RFX6: variants seen among roughly 807,000 people sequenced by gnomAD.
RFX6 encodes the protein regulatory factor X6, also known as DNA-binding protein RFX6.
A neutral mutation model predicts 110.8 loss-of-function variants in RFX6; 50 were observed. That is an observed-to-expected ratio of 0.45 (90% CI 0.36 to 0.57). RFX6 has a LOEUF of 0.57. RFX6 is among the 20% of genes least tolerant of loss of function. RFX6 has a pLI of 0.00. For missense variants in RFX6, 990 were observed against 1,127.0 expected, an observed-to-expected ratio of 0.88 and a Z score of 1.74; for synonymous variants, 383 against 411.2, an observed-to-expected ratio of 0.93 and a Z score of 0.83.
At chr6:116,911,767 G>A (rs977741865) in intron 7 of RFX6, among the ~76,000 whole-genome samples, 12 of 152,142 alleles carry the variant, frequency 7.9e-5, no homozygotes, top group African/African-American at 2.9e-4. Flanking sequence ...AGCATTTGAA[G>A]AAGACATCTC....
At chr6:116,893,900 AT>A in intron 4 of RFX6, 86 bp from the exon 5 acceptor site, 8 of 820,748 alleles carry the variant, frequency 9.7e-6, no homozygotes, top group Non-Finnish European at 1.7e-5. Context: ...GTTCTTATTC[AT>A]GGTTATGTCA....
chr6:116,877,687 T>TCCCCCC, intron 1 of RFX6, 109 bp from the exon 2 acceptor site: 6 of 844,958 alleles, frequency 7.1e-6, no homozygotes, highest in South Asian at 1.5e-5. Flanking sequence ...TTTCCTCCCC[T>TCCCCCC]CCGCCCCCAC....
chr6:116,905,538 T>G (rs2114682982), intron 6 of RFX6, among the ~76,000 whole-genome samples: 1 of 152,140 alleles, frequency 6.6e-6, no homozygotes, highest in Middle Eastern at 3.4e-3. Flanking sequence ...TGCATAACTT[T>G]TATGAACAAA....
chr6:116,924,228 T>A (rs1424636622), intron 14 of RFX6, among the ~76,000 whole-genome samples: 2 of 152,228 alleles, frequency 1.3e-5, no homozygotes, highest in Non-Finnish European at 2.9e-5. Context: ...TAGAAAGATA[T>A]CTCTTTACTT....
At chr6:116,913,082 T>C (rs1054285196) in intron 7 of RFX6, among the ~76,000 whole-genome samples, 26 of 152,162 alleles carry the variant, frequency 1.7e-4, no homozygotes, top group African/African-American at 4.6e-4. Context: ...CTTTTTTCTT[T>C]TGAGACAGAC....
At chr6:116,928,504 A>G (rs1775804024) in intron 17 of RFX6, among the ~76,000 whole-genome samples, 1 of 152,210 alleles carries the variant, frequency 6.6e-6, no homozygotes, top group Non-Finnish European at 1.5e-5. Context: ...GTCTTAAATT[A>G]TGTATTATGC....
intron 6 of RFX6, among the ~76,000 whole-genome samples, chr6:116,903,476 A>G (rs1429577999): frequency 6.6e-6 from 1 of 151,962 alleles, no homozygotes; most frequent in East Asian, 1.9e-4. Flanking sequence ...TAGAATTTTT[A>G]AAATAATCAT....
intron 6 of RFX6, among the ~76,000 whole-genome samples, chr6:116,896,447 A>G (rs1321560694): frequency 6.6e-6 from 1 of 152,226 alleles, no homozygotes; most frequent in East Asian, 1.9e-4. Context: ...GAGCTTTCTA[A>G]AGGCTCAGAA....
chr6:116,908,560 T>G (rs1378117912), intron 6 of RFX6, among the ~76,000 whole-genome samples: 2 of 152,056 alleles, frequency 1.3e-5, no homozygotes, highest in East Asian at 3.8e-4. Context: ...CAGGCAAATT[T>G]ACCTTGTTTG....
chr6:116,921,415 A>T (rs1562146370), intron 12 of RFX6, among the ~76,000 whole-genome samples: 1 of 152,186 alleles, frequency 6.6e-6, no homozygotes, highest in Non-Finnish European at 1.5e-5. Flanking sequence ...TTCACTTTTA[A>T]CTAATCTGTT....
chr6:116,908,278 C>T (rs1345191482), intron 6 of RFX6, among the ~76,000 whole-genome samples: 1 of 151,998 alleles, frequency 6.6e-6, no homozygotes, highest in Non-Finnish European at 1.5e-5. Context: ...TGGCTTATTT[C>T]ACTTGCCATA....
chr6:116,928,858 C>A lies in RFX6; in HGVS notation c.2498C>A (p.Pro833His), dbSNP rs866689448. 2 of 1,612,580 alleles carry A rather than the reference C, an allele frequency of 1.2e-6. No homozygotes were observed. Among genetic ancestry groups the A allele is most frequent in the Non-Finnish European group, 8.5e-7 (1 of 1,178,574 alleles). ...SVISSIRSLP[P>H]YSDIHDPLNI... ...ATCAGCAGCATTCGTTCACTGCCCC[C>A]CTACAGTGACATCCACGATCCACTT... is the stretch of plus-strand genomic sequence containing the variant. The change falls in exon 18 of 19, where the codon CCC (proline) becomes CAC (histidine). Residue 833 changes from proline to histidine, a missense_variant. By Grantham distance (77) the Pro-to-His change is moderately conservative. This residue lies in a region of RFX6 where 438 missense variants were observed against 441.9 expected (regional missense o/e 0.99). Transcript: ENST00000332958.
At chr6:116,898,986 T>C (rs1360705080) in intron 6 of RFX6, among the ~76,000 whole-genome samples, 3 of 152,214 alleles carry the variant, frequency 2.0e-5, no homozygotes, top group Non-Finnish European at 4.4e-5. Context: ...CTTGAGAGAA[T>C]TGAAAAATGG....
chr6:116,892,843 C>T (rs1774861124), intron 4 of RFX6, among the ~76,000 whole-genome samples: 1 of 152,094 alleles, frequency 6.6e-6, no homozygotes, highest in South Asian at 2.1e-4. Flanking sequence ...GTCCTGGATC[C>T]TGAAAATGCT....
intron 6 of RFX6, among the ~76,000 whole-genome samples, chr6:116,898,624 T>G (rs1775000811): frequency 1.3e-5 from 2 of 151,274 alleles, no homozygotes; most frequent in South Asian, 4.2e-4. Flanking sequence ...ACTGAGGAGG[T>G]CAGTGTAGAG....
At chr6:116,917,287 TTAG>T (rs1252475764) in intron 9 of RFX6, among the ~76,000 whole-genome samples, 2 of 151,912 alleles carry the variant, frequency 1.3e-5, no homozygotes, top group African/African-American at 4.8e-5. Flanking sequence ...TTTTCTGCCT[TTAG>T]TTCAAGTTCA....
At chr6:116,921,428 G>A (rs752074334) in intron 12 of RFX6, among the ~76,000 whole-genome samples, 6 of 152,056 alleles carry the variant, frequency 3.9e-5, no homozygotes, top group Admixed American at 2.6e-4. Context: ...AATCTGTTCC[G>A]TTTAATGAAA....
chr6:116,925,557 G>A lies in RFX6; in HGVS notation c.1783G>A (p.Val595Met), dbSNP rs143311250. Reference sequence around the variant, plus strand: ...CGACGCTGTGAAGAATGAAAGCCACGTGGAGACAACCTATCTCCCTCTGCC... The same window carrying A: ...CGACGCTGTGAAGAATGAAAGCCACATGGAGACAACCTATCTCCCTCTGCC... ...SSDAVKNESH[V>M]ETTYLPLPSS... Residue 595 changes from valine (V) to methionine (M), a missense_variant, in exon 16 of 19, where the codon GTG becomes ATG. This residue lies in a region of RFX6 where 438 missense variants were observed against 441.9 expected (regional missense o/e 0.99). Coordinates refer to ENST00000332958, the MANE Select transcript of RFX6 (RefSeq NM_173560.4). The A allele has an allele frequency of 1.2e-4, 193 of 1,613,542 alleles. No homozygotes were observed. The highest frequency in any genetic ancestry group is 8.0e-4 in the Admixed American group (48 of 59,984).
At chr6:116,878,870 G>GTT (rs34428622) in intron 2 of RFX6, among the ~76,000 whole-genome samples, 6 of 150,690 alleles carry the variant, frequency 4.0e-5, no homozygotes, top group Admixed American at 6.6e-5. Flanking sequence ...ACATATAGTA[G>GTT]TTTTTTGTGA....
Sources: allele counts gnomAD v4.1 joint callset (sites outside exome capture counted in the v4.1 genomes callset), GRCh38; gene constraint gnomAD v4.1.1; regional missense constraint gnomAD v4.1.1; transcripts MANE v1.5; gene names NCBI Gene and HGNC (gene_info 2026-07-23, HGNC 2026-07-21).